The following RAB11A variants were observed in gnomAD, a reference collection of about 807,000 sequenced individuals.
RAB11A encodes RAB11A, member RAS oncogene family.
A neutral mutation model predicts 28.0 loss-of-function variants in RAB11A; 9 were observed. That is an observed-to-expected ratio of 0.32 (90% CI 0.19 to 0.56). The LOEUF (loss-of-function observed/expected upper bound fraction) is 0.56. RAB11A is among the 20% of genes least tolerant of loss of function. RAB11A has a pLI of 0.91. For missense variants in RAB11A, 108 were observed against 269.6 expected, an observed-to-expected ratio of 0.40 and a Z score of 4.20; for synonymous variants, 85 against 88.2, an observed-to-expected ratio of 0.96 and a Z score of 0.20.
In RAB11A at chr15:65,882,203, T is replaced by C. The variant is rs184342146; in HGVS notation, c.511+2452T>C. Reference sequence around the variant, plus strand: ...TTTCTATATTCACTGTTTCCTCAGCTTCCTGCATAAATCTCACTGTTGGTC... The same window carrying C: ...TTTCTATATTCACTGTTTCCTCAGCCTCCTGCATAAATCTCACTGTTGGTC... On this transcript the variant is annotated intron_variant, in intron 4 of 4. Transcript: ENST00000261890. Among the ~76,000 whole-genome samples, 147 of 152,354 alleles carry C rather than the reference T, an allele frequency of 9.6e-4. 2 individuals are homozygous for C. The East Asian group carries it at 0.012, about 13-fold the overall frequency.
At chr15:65,878,441 T>C (rs1166477720) in intron 3 of RAB11A, among the ~76,000 whole-genome samples, 1 of 152,112 alleles carries the variant, frequency 6.6e-6, no homozygotes, top group African/African-American at 2.4e-5. Flanking sequence ...CCCAGCACTT[T>C]GGGAGGCTGA....
rs58799533 is a variant in RAB11A at position 65,884,794 on chromosome 15, G to T, written c.512-2907G>T. On this transcript the variant is annotated intron_variant, in intron 4 of 4. Coordinates refer to ENST00000261890, the MANE Select transcript of RAB11A (RefSeq NM_004663.5). ...AAAAACCAAACCAAAAACCTGATAA[G>T]AAAGTAGGAAGCAGGTAACTTCTAG... Among the ~76,000 whole-genome samples, 1,391 of 149,986 alleles carry T rather than the reference G, an allele frequency of 9.3e-3. 21 individuals are homozygous for T. Among genetic ancestry groups the T allele is most frequent in the African/African-American group, 0.032 (1,298 of 40,960 alleles).
chr15:65,887,368 T>C (rs1374899382), intron 4 of RAB11A, among the ~76,000 whole-genome samples: 2 of 152,176 alleles, frequency 1.3e-5, no homozygotes, highest in African/African-American at 2.4e-5. Context: ...AGACAGGGTT[T>C]CACCATGTTG....
At chr15:65,875,345 C>G (rs1189733235) in intron 1 of RAB11A, among the ~76,000 whole-genome samples, 2 of 151,926 alleles carry the variant, frequency 1.3e-5, no homozygotes, top group Non-Finnish European at 2.9e-5. Flanking sequence ...AAACATCCAG[C>G]CTTTTGTACT....
intron 4 of RAB11A, among the ~76,000 whole-genome samples, chr15:65,887,005 C>T (rs1295025379): frequency 6.6e-6 from 1 of 152,100 alleles, no homozygotes; most frequent in South Asian, 2.1e-4. Flanking sequence ...ATGTACTCTG[C>T]CGAATGCGTC....
rs1023620699 is a variant in RAB11A, at chr15:65,877,541, T to C, written c.236+14T>C. On this transcript the variant is annotated intron_variant, in intron 2 of 4. Transcript: ENST00000261890. This position sits in a 1 kb window ranked among gnomAD's most constrained non-coding sequence, Gnocchi z 4.1. ...TATAACATCAGCGTAAGTCTCATGG[T>C]TTTTAAGTTCTGTGAAATGGGTTGC... 1.3e-6 allele frequency: 2 copies of C among 1,599,080 alleles called. No homozygotes were observed.
chr15:65,879,786 C>T (rs769328597), intron 4 of RAB11A, 35 bp downstream of exon 4: 1 of 1,450,872 alleles, frequency 6.9e-7, no homozygotes, highest in South Asian at 1.2e-5. Context: ...ACCAGTAGGA[C>T]TAGAAGTTTT....
At chr15:65,886,582 A>ATTCT (rs1375421576) in intron 4 of RAB11A, among the ~76,000 whole-genome samples, 1 of 152,236 alleles carries the variant, frequency 6.6e-6, no homozygotes, top group African/African-American at 2.4e-5. Context: ...GTAAACAAAA[A>ATTCT]TAAGGTACAT....
chr15:65,881,900 A>AAC (rs1567138377), intron 4 of RAB11A, among the ~76,000 whole-genome samples: 6 of 148,664 alleles, frequency 4.0e-5, no homozygotes, highest in Non-Finnish European at 6.0e-5. Context: ...AAAAAAAAAA[A>AAC]ACACAAAAAA....
Position 65,891,601 on chromosome 15 carries a change from C to G in RAB11A, c.*3761C>G, listed in dbSNP as rs924588733. The G allele has an allele frequency of 6.6e-6, 1 of 152,178 alleles. No individual in the cohort carries two copies. The highest frequency in any genetic ancestry group is 1.5e-5 in the Non-Finnish European group (1 of 68,036). 9.4% of individuals were successfully genotyped at this position (152,178 alleles called of 1,614,324 possible). ...ATCCCAATTCGAACTCTGTAATTCTCTGAATGAACTCTCTCTTCAATTAAA... is the reference window on the plus strand; with the variant it reads ...ATCCCAATTCGAACTCTGTAATTCTGTGAATGAACTCTCTCTTCAATTAAA... On this transcript the variant is annotated 3_prime_UTR_variant, in exon 5 of 5. Coordinates refer to ENST00000261890, the MANE Select transcript of RAB11A (RefSeq NM_004663.5).
At chr15:65,875,074 G>C (rs11634725) in intron 1 of RAB11A, among the ~76,000 whole-genome samples, 9,369 of 151,938 alleles carry the variant, frequency 0.062, 420 homozygotes, top group Non-Finnish European at 0.092. Context: ...AGAAAGTGCT[G>C]GAAGTTTTTT....
intron 3 of RAB11A, among the ~76,000 whole-genome samples, chr15:65,879,168 A>G (rs190142963): frequency 6.6e-6 from 1 of 151,976 alleles, no homozygotes; most frequent in East Asian, 1.9e-4. Flanking sequence ...AATTTTTAGT[A>G]TTCTTTATAT....
intron 1 of RAB11A, among the ~76,000 whole-genome samples, chr15:65,873,226 A>G (rs2078173262): frequency 6.6e-6 from 1 of 152,216 alleles, no homozygotes; most frequent in South Asian, 2.1e-4. Context: ...AATGTGGTTA[A>G]GGCCCTGTGG....
rs1567141485 is a variant in RAB11A, at chr15:65,891,308, A to G, written c.*3468A>G. 6.6e-6 allele frequency: 1 copy of G among 152,262 alleles called. No individual in the cohort carries two copies. Among genetic ancestry groups the G allele is most frequent in the Non-Finnish European group, 1.5e-5 (1 of 68,042 alleles). The allele number at this position is 152,262 out of a possible 1,614,324, so 9.4% of individuals were successfully genotyped here. The stretch of plus-strand genomic sequence containing the variant: ...AGGGAGACCATTAGGCTGAGAATCA[A>G]TATGATTGAGGTTATCTATTCTCCT... On this transcript the variant is annotated 3_prime_UTR_variant, in exon 5 of 5. Coordinates refer to ENST00000261890, the MANE Select transcript of RAB11A (RefSeq NM_004663.5).
At chr15:65,874,206 C>A (rs1489469011) in intron 1 of RAB11A, among the ~76,000 whole-genome samples, 3 of 151,522 alleles carry the variant, frequency 2.0e-5, no homozygotes, top group Non-Finnish European at 2.9e-5. Flanking sequence ...TACTCAAATA[C>A]AGCAGATGTC....
intron 1 of RAB11A, among the ~76,000 whole-genome samples, chr15:65,875,047 A>G (rs1371363066): frequency 1.3e-5 from 2 of 152,100 alleles, no homozygotes; most frequent in African/African-American, 4.8e-5. Flanking sequence ...CCCTGTCTCA[A>G]AAAAAGAAAG....
rs776880248 is a variant in RAB11A, at chr15:65,879,665, C to T, written c.431-6C>T. On this transcript the variant is annotated splice_region_variant and splice_polypyrimidine_tract_variant and intron_variant, in intron 3 of 4. Transcript: ENST00000261890. ...AACAAGACTGAACTTTTGTGTCTCC[C>T]CTCAGAAAAGAATGGTTTGTCATTC... 31 of 1,577,972 alleles carry T rather than the reference C, an allele frequency of 2.0e-5. No individual in the cohort carries two copies. Among genetic ancestry groups the T allele is most frequent in the Non-Finnish European group, 2.7e-5 (31 of 1,149,922 alleles).
rs2078144259 is a variant in RAB11A, at chr15:65,869,502, G to T, written c.-84G>T. On this transcript the variant is annotated 5_prime_UTR_variant, in exon 1 of 5. Coordinates refer to ENST00000261890, the MANE Select transcript of RAB11A (RefSeq NM_004663.5). The stretch of plus-strand genomic sequence containing the variant: ...TCACCCAGTCCGGCAGTTGAAGCTC[G>T]GCGCTCGGGTTACCCCTGCAGCGAC... The T allele has an allele frequency of 1.3e-6, 2 of 1,537,376 alleles. No individual in the cohort carries two copies. The highest frequency in any genetic ancestry group is 1.8e-6 in the Non-Finnish European group (2 of 1,140,092).
chr15:65,884,006 C>G (rs1038656346), intron 4 of RAB11A, among the ~76,000 whole-genome samples: 2 of 152,128 alleles, frequency 1.3e-5, no homozygotes, highest in South Asian at 4.2e-4. Context: ...AAACAGACAG[C>G]AAGTGTATCT....
Sources: allele counts gnomAD v4.1 joint callset (sites outside exome capture counted in the v4.1 genomes callset), GRCh38; gene constraint gnomAD v4.1.1; non-coding constraint Gnocchi (gnomAD v3.1); transcripts MANE v1.5; gene names NCBI Gene and HGNC (gene_info 2026-07-23, HGNC 2026-07-21).